Variants in CDKN2A observed in about 807,000 individuals in gnomAD.
The protein encoded by CDKN2A is cyclin-dependent kinase inhibitor 2A.
A neutral mutation model predicts 11.1 loss-of-function variants in CDKN2A; 3 were observed. The observed-to-expected ratio is 0.27, with a 90% confidence interval of 0.12 to 0.70. The LOEUF (loss-of-function observed/expected upper bound fraction) is 0.70. Among genes scored for constraint, CDKN2A ranks in the 30% least tolerant of loss-of-function variants. CDKN2A has a pLI of 0.77. For synonymous variants in CDKN2A, 122 were observed against 108.1 expected (o/e 1.13, Z -0.80); for missense variants, 265 against 233.6 (o/e 1.13, Z -0.88).
At chr9:21,970,818 G>C in intron 2 of CDKN2A, 84 bp downstream of exon 2, 1 of 1,542,558 alleles carries the variant, frequency 6.5e-7, no homozygotes, top group Non-Finnish European at 8.8e-7. Context: ...CTGGTCTCCC[G>C]GGCTGAACTT....
rs1820432436 is a variant in CDKN2A, at chr9:21,991,632, T to A, written c.-4+2250A>T. 1.0e-6 allele frequency: 1 copy of A among 983,084 alleles called. No homozygotes were observed. Among genetic ancestry groups the A allele is most frequent in the African/African-American group, 1.7e-5 (1 of 57,226 alleles). 60.9% of individuals were successfully genotyped at this position (983,084 alleles called of 1,614,324 possible). A position where few individuals can be genotyped will look rare whatever the true frequency, so the allele number is the denominator to read the frequency against. On this transcript the variant is annotated intron_variant, in intron 2 of 3. Transcript: ENST00000494262. The surrounding 1 kb of genome is among the most constrained non-coding windows in gnomAD (Gnocchi z 5.2). The stretch of plus-strand genomic sequence containing the variant: ...CATATGTTGGGAAAATGGTTTAGCT[T>A]AACTCTATCATGGTAGTTGATAGTG...
chr9:21,994,754 G>C, intron 1 of CDKN2A: 1 of 173,712 alleles, frequency 5.8e-6, no homozygotes, highest in South Asian at 1.8e-4. Context: ...CCCAGGGGCC[G>C]GACGCCTGGA....
chr9:21,979,535 A>G (rs1157950817), upstream of CDKN2A, among the ~76,000 whole-genome samples: 1 of 152,240 alleles, frequency 6.6e-6, no homozygotes, highest in Non-Finnish European at 1.5e-5. Context: ...ATAGAACTCA[A>G]AGTACAGCGG....
chr9:21,983,614 C>T (rs917159700), intron 2 of CDKN2A, among the ~76,000 whole-genome samples: 9 of 152,062 alleles, frequency 5.9e-5, no homozygotes, highest in South Asian at 2.1e-4. Flanking sequence ...TTTTAAAAAG[C>T]CACCATTTTG....
At chr9:21,987,621 A>T (rs934625245) in intron 2 of CDKN2A, among the ~76,000 whole-genome samples, 9 of 152,146 alleles carry the variant, frequency 5.9e-5, no homozygotes, top group Non-Finnish European at 1.2e-4. Context: ...GACTGTAAAA[A>T]TGTGGTATCT....
At chr9:21,976,890 A>C (rs1820051180), upstream of CDKN2A, among the ~76,000 whole-genome samples, 1 of 152,246 alleles carries the variant, frequency 6.6e-6, no homozygotes. Context: ...ACTACTTTTT[A>C]AGCTTATCAA....
chr9:21,993,626 A>G (rs1820492070), intron 2 of CDKN2A, among the ~76,000 whole-genome samples: 1 of 152,174 alleles, frequency 6.6e-6, no homozygotes, highest in African/African-American at 2.4e-5. Flanking sequence ...CATTTCAGGA[A>G]GTCGCTGCCT....
upstream of CDKN2A, among the ~76,000 whole-genome samples, chr9:21,977,816 C>T (rs897416938): frequency 2.0e-5 from 3 of 152,080 alleles, no homozygotes; most frequent in Non-Finnish European, 2.9e-5. Flanking sequence ...CTAGATAAAA[C>T]TTTCAGTGAA....
chr9:21,976,366 G>A (rs1234660479), upstream of CDKN2A, among the ~76,000 whole-genome samples: 7 of 105,690 alleles, frequency 6.6e-5, no homozygotes, highest in Middle Eastern at 6.3e-3. Flanking sequence ...GTGACAGAAT[G>A]AGACTCCGAC....
rs1820360478 is a variant in CDKN2A at position 21,988,868 on chromosome 9, G to T, written c.-4+5014C>A. Among the ~76,000 whole-genome samples the T allele has an allele frequency of 6.6e-6, 1 of 152,172 alleles. No homozygotes were observed. The highest frequency in any genetic ancestry group is 1.5e-5 in the Non-Finnish European group (1 of 68,026). On this transcript the variant is annotated intron_variant, in intron 2 of 3. Coordinates refer to the CDKN2A transcript ENST00000494262. The surrounding 1 kb of genome is among the most constrained non-coding windows in gnomAD (Gnocchi z 4.1). The stretch of plus-strand genomic sequence containing the variant: ...AGTTAAATAGTCCAAGATTCAGTGG[G>T]TTCAGAGACTCTAAGTATTTGCCAT...
Position 21,968,704 on chromosome 9 carries a change from C to G in CDKN2A, c.458-462G>C, listed in dbSNP as rs2131081751. On this transcript the variant is annotated intron_variant, in intron 2 of 2. Coordinates refer to ENST00000304494, the MANE Select transcript of CDKN2A (RefSeq NM_000077.5). This position sits in a 1 kb window ranked among gnomAD's most constrained non-coding sequence, Gnocchi z 4.7. ...GGGCGCCTCAGGCTCTGGCGCTCCT[C>G]GGCGGAATCCCGTAGCTTCCCTACG... 2.6e-6 allele frequency: 4 copies of G among 1,536,150 alleles called. No individual in the cohort carries two copies. Among genetic ancestry groups the G allele is most frequent in the Non-Finnish European group, 3.5e-6 (4 of 1,146,894 alleles).
At position 21,968,617 on chromosome 9, in the gene CDKN2A, C is replaced by T. The variant is rs891794633; in HGVS notation, c.458-375G>A. ...CGTGAAGATGTGGCCTTTCCCTTCC[C>T]GCATCCCCAGGCATCTTTTGCACCT... On this transcript the variant is annotated intron_variant, in intron 2 of 2. Transcript: ENST00000304494. This position sits in a 1 kb window ranked among gnomAD's most constrained non-coding sequence, Gnocchi z 4.7. The T allele has an allele frequency of 4.6e-6, 7 of 1,510,128 alleles. No individual in the cohort carries two copies. Among genetic ancestry groups the T allele is most frequent in the Non-Finnish European group, 3.5e-6 (4 of 1,133,860 alleles). 93.5% of individuals were successfully genotyped at this position (1,510,128 alleles called of 1,614,324 possible).
upstream of CDKN2A, among the ~76,000 whole-genome samples, chr9:21,976,828 T>C (rs1820048882): frequency 2.0e-5 from 3 of 152,312 alleles, no homozygotes; most frequent in South Asian, 4.1e-4. Context: ...TAAACAGCAC[T>C]AAAGAGTATA....
chr9:21,990,792 T>G (rs934834894), intron 2 of CDKN2A, among the ~76,000 whole-genome samples: 10 of 152,246 alleles, frequency 6.6e-5, no homozygotes, highest in Non-Finnish European at 1.5e-4. Context: ...TGCTAGAATT[T>G]TATGCAGTTT....
chr9:21,992,382 T>C (rs1160648654), intron 2 of CDKN2A: 3 of 980,126 alleles, frequency 3.1e-6, no homozygotes, highest in South Asian at 4.7e-5. Context: ...AATTGGAAAA[T>C]TGCATATATT....
chr9:21,980,793 A>G (rs3731226), intron 2 of CDKN2A, among the ~76,000 whole-genome samples: 6 of 150,602 alleles, frequency 4.0e-5, no homozygotes, highest in African/African-American at 1.2e-4. Context: ...CCCCATCTCT[A>G]CTAAAGATAC....
intron 2 of CDKN2A, chr9:21,992,562 T>C (rs965561533): frequency 6.5e-6 from 3 of 459,820 alleles, no homozygotes; most frequent in Non-Finnish European, 8.6e-6. Context: ...TAACATACTA[T>C]AAAATATTTT....
chr9:21,974,042 CA>C lies in CDKN2A; in HGVS notation c.150+635del, dbSNP rs1361643046. Among the ~76,000 whole-genome samples, 1 of 152,120 alleles carries C rather than the reference CA, an allele frequency of 6.6e-6. No individual in the cohort carries two copies. The highest frequency in any genetic ancestry group is 1.9e-4 in the East Asian group (1 of 5,194). On this transcript the variant is annotated intron_variant, in intron 1 of 2. Coordinates refer to ENST00000304494, the MANE Select transcript of CDKN2A (RefSeq NM_000077.5). The surrounding 1 kb of genome is among the most constrained non-coding windows in gnomAD (Gnocchi z 5.2). ...AGTAGCTGGGATTACAGGCGCCTGC[CA>C]CCACCCCCGGCTACTTTTTGTATTT...
rs541393212 is a variant in CDKN2A, at chr9:21,985,972, TTTAA to T, written c.-4+7906_-4+7909del. On this transcript the variant is annotated intron_variant, in intron 2 of 3. Transcript: ENST00000494262. ...CTAATGTGCTTTCTTAAGGGCATAG[TTTAA>T]TTAGGCACTATAATAACTGACAAAC... 7.2e-5 allele frequency among the ~76,000 whole-genome samples: 11 copies of T among 152,098 alleles called. No homozygotes were observed. The South Asian group carries it at 2.1e-3, about 29-fold the overall frequency.
Sources: gnomAD v4.1 joint callset for allele counts (sites outside exome capture counted in the v4.1 genomes callset) on GRCh38, gnomAD v4.1.1 for gene constraint, Gnocchi (gnomAD v3.1) non-coding constraint, MANE v1.5 for transcripts, NCBI Gene and HGNC (gene_info 2026-07-23, HGNC 2026-07-21) for gene names.